ZNF335: variants seen among roughly 807,000 people sequenced by gnomAD.
ZNF335 encodes zinc finger protein 335.
In ZNF335, 84 loss-of-function variants were observed where a neutral mutation model predicts 145.6. The ratio of observed to expected loss-of-function variants is 0.58; its 90% CI spans 0.48 to 0.69. ZNF335 has a LOEUF of 0.69. ZNF335 is among the 30% of genes least tolerant of loss of function. ZNF335 has a pLI of 0.00. For missense variants in ZNF335, 1,865 were observed against 1,809.7 expected (o/e 1.03, Z -0.55); for synonymous variants, 761 against 717.0 (o/e 1.06, Z -0.98).
chr20:45,970,522 CG>C (rs1228711098), intron 2 of ZNF335, among the ~76,000 whole-genome samples: 7 of 152,238 alleles, frequency 4.6e-5, no homozygotes, highest in Admixed American at 3.3e-4. Flanking sequence ...ACTTTACAGA[CG>C]AGGAAACAGA....
chr20:45,963,796 T>G lies in ZNF335; in HGVS notation c.1297A>C (p.Thr433Pro), dbSNP rs199828190. 1.2e-6 allele frequency: 2 copies of G among 1,614,044 alleles called. No homozygotes were observed. Among genetic ancestry groups the G allele is most frequent in the South Asian group, 1.1e-5 (1 of 91,072 alleles). The change falls in exon 8 of 28, where the codon ACT (threonine) becomes CCT (proline). Residue 433 changes from threonine (T) to proline (P), a missense_variant. Physicochemically the swap from Thr to Pro is conservative, Grantham distance 38. Transcript: ENST00000322927. The stretch of plus-strand genomic sequence containing the variant: ...GGTCGACCTCGGCGCCGGGGCAGAG[T>G]GTCATGCTCATCCGGGCAGGAGGGG... ...AAPSCPDEHD[T>P]LPRRRGRPSR... is the part of the protein sequence containing the mutation.
Position 45,952,280 on chromosome 20 carries a change from A to C in ZNF335, c.3056T>G (p.Phe1019Cys). Residue 1019 changes from phenylalanine (F) to cysteine (C), a missense_variant, in exon 20 of 28, where the codon TTT (phenylalanine) becomes TGT (cysteine). Transcript: ENST00000322927. ...PSAATAASKK[F>C]SCKICAEAFP... Reference sequence around the variant, plus strand: ...GGCCTCGGCACAGATCTTGCAGGAAAACTTCTTTGATGCAGCAGTGGCTGC... The same window carrying C: ...GGCCTCGGCACAGATCTTGCAGGAACACTTCTTTGATGCAGCAGTGGCTGC... The C allele has an allele frequency of 6.2e-7, 1 of 1,613,544 alleles. No homozygotes were observed. The highest frequency in any genetic ancestry group is 8.5e-7 in the Non-Finnish European group (1 of 1,180,008).
At chr20:45,969,371 A>C (rs1422568700) in intron 3 of ZNF335, 80 bp downstream of exon 3, 1 of 1,403,494 alleles carries the variant, frequency 7.1e-7, no homozygotes, top group Non-Finnish European at 9.4e-7. Context: ...AATCTGCCTG[A>C]GTTCACACAG....
chr20:45,948,731 C>A lies in ZNF335; in HGVS notation c.*222G>T, dbSNP rs1002534496. On this transcript the variant is annotated 3_prime_UTR_variant, in exon 28 of 28. Coordinates refer to ENST00000322927, the MANE Select transcript of ZNF335 (RefSeq NM_022095.4). ...GGTCCACCCAAACAAAAATAAATTT[C>A]TCTCCCAAAGCCTGCCTGCAGGCTG... The A allele has an allele frequency of 1.8e-5, 11 of 604,796 alleles. No homozygotes were observed. Among genetic ancestry groups the A allele is most frequent in the Non-Finnish European group, 3.1e-5 (11 of 350,406 alleles). The allele number at this position is 604,796 out of a possible 1,614,324, so 37.5% of individuals were successfully genotyped here. A position where few individuals can be genotyped will look rare whatever the true frequency, so the allele number is the denominator to read the frequency against.
Position 45,949,264 on chromosome 20 carries a change from A to G in ZNF335, c.3820-13T>C. 6.2e-7 allele frequency: 1 copy of G among 1,613,876 alleles called. No individual in the cohort carries two copies. On this transcript the variant is annotated splice_polypyrimidine_tract_variant and intron_variant, in intron 26 of 27. Transcript: ENST00000322927. ...GCACATACTGGATCTGGAGGGGAGA[A>G]GCTGATAAGATGCTGGCCTGGAGAA...
At position 45,952,501 on chromosome 20, in the gene ZNF335, G is replaced by A. The variant is rs946079734; in HGVS notation, c.2835C>T (p.Ile945=). The part of the protein sequence containing the change: ...HHIELTADGS[I]SFPSPDALAS... The stretch of plus-strand genomic sequence containing the variant: ...CCAGAGCATCTGGACTTGGGAAGGA[G>A]ATGGAGCCATCTGCGGTGAGCTGTA... The change falls in exon 20 of 28, where the codon ATC becomes ATT. Residue 945 remains isoleucine, a synonymous_variant. Transcript: ENST00000322927. 4.5e-6 allele frequency: 7 copies of A among 1,572,780 alleles called. No individual in the cohort carries two copies. In the Admixed American group the frequency reaches 1.2e-4, roughly 27 times the overall value.
intron 7 of ZNF335, 36 bp from the exon 8 acceptor site, chr20:45,964,026 GAC>G: frequency 6.6e-7 from 1 of 1,510,128 alleles, no homozygotes; most frequent in Non-Finnish European, 8.8e-7. Context: ...GCCAGCCACT[GAC>G]ACACCAGGAC....
intron 24 of ZNF335, 63 bp downstream of exon 24, chr20:45,949,737 A>C: frequency 4.4e-6 from 7 of 1,585,308 alleles, no homozygotes; most frequent in South Asian, 1.1e-5. Flanking sequence ...TTCCTCCCCA[A>C]GGTAGGTCTT....
rs73128561 is a variant in ZNF335 at position 45,970,762 on chromosome 20, T to C, written c.201+448A>G. ...TTAACCCAGGGCACTTGCGTTTTTTTTTTTTTTTTTGTAGAGATGAGGTCT... is the reference window on the plus strand; with the variant it reads ...TTAACCCAGGGCACTTGCGTTTTTTCTTTTTTTTTTGTAGAGATGAGGTCT... On this transcript the variant is annotated intron_variant, in intron 2 of 27. Coordinates refer to ENST00000322927, the MANE Select transcript of ZNF335 (RefSeq NM_022095.4). Among the ~76,000 whole-genome samples the C allele has an allele frequency of 3.8e-3, 570 of 151,094 alleles. 2 individuals carry two copies. Among genetic ancestry groups the C allele is most frequent in the African/African-American group, 0.013 (541 of 41,124 alleles).
chr20:45,971,941 A>G lies in ZNF335; in HGVS notation c.-51+181T>C, dbSNP rs533873885. On this transcript the variant is annotated intron_variant, in intron 1 of 27. Coordinates refer to ENST00000322927, the MANE Select transcript of ZNF335 (RefSeq NM_022095.4). ...CTGCCTGTGCTCCAGGCCCGACGCC[A>G]TCTTGTGGTGGCGCCGGGTTTCCGC... 35 of 985,346 alleles carry G rather than the reference A, an allele frequency of 3.6e-5. 1 individual carries two copies. The highest frequency in any genetic ancestry group is 5.2e-4 in the Middle Eastern group (1 of 1,914). 61.0% of individuals were successfully genotyped at this position (985,346 alleles called of 1,614,324 possible). A position where few individuals can be genotyped will look rare whatever the true frequency, so the allele number is the denominator to read the frequency against.
Position 45,960,483 on chromosome 20 carries a change from G to C in ZNF335, c.1825C>G (p.Leu609Val). 1 of 1,614,196 alleles carries C rather than the reference G, an allele frequency of 6.2e-7. No homozygotes were observed. Residue 609 changes from leucine (L) to valine (V), a missense_variant, in exon 13 of 28, where the codon CTG (leucine) becomes GTG (valine). Coordinates refer to ENST00000322927, the MANE Select transcript of ZNF335 (RefSeq NM_022095.4). ...GCAACAGCCTGGATGTGCGTGAGCA[G>C]GTGCATTTTGAAGGTGTAGCGCTTC... ...FKKRYTFKMH[L>V]LTHIQAVANR...
intron 3 of ZNF335, 128 bp downstream of exon 3, chr20:45,969,323 G>A: frequency 3.5e-6 from 4 of 1,146,584 alleles, no homozygotes; most frequent in Non-Finnish European, 4.6e-6. Flanking sequence ...TGAGACAGGG[G>A]TGACTGTTCC....
chr20:45,959,092 C>A, intron 15 of ZNF335, 109 bp downstream of exon 15: 1 of 971,386 alleles, frequency 1.0e-6, no homozygotes, highest in South Asian at 3.7e-5. Flanking sequence ...GAGTTTTTAC[C>A]ACAGTCTCAA....
intron 8 of ZNF335, 21 bp downstream of exon 8, chr20:45,963,717 C>G: frequency 6.2e-7 from 1 of 1,614,072 alleles, no homozygotes; most frequent in East Asian, 2.2e-5. Flanking sequence ...CATGCCCCAC[C>G]CTCACCTCTG....
In ZNF335 at chr20:45,971,437, G is replaced by A. The variant is rs1277025838; in HGVS notation, c.-27C>T. On this transcript the variant is annotated 5_prime_UTR_variant, in exon 2 of 28. Transcript: ENST00000322927. Reference sequence around the variant, plus strand: ...TGATCGGCGGGCTGCCTGACAGCGGGGCGTAGGGTCTGGGAACTTCACTCT... The same window carrying A: ...TGATCGGCGGGCTGCCTGACAGCGGAGCGTAGGGTCTGGGAACTTCACTCT... 6.3e-7 allele frequency: 1 copy of A among 1,597,096 alleles called. No homozygotes were observed. Among genetic ancestry groups the A allele is most frequent in the Non-Finnish European group, 8.5e-7 (1 of 1,178,990 alleles).
At position 45,955,350 on chromosome 20, in the gene ZNF335, C is replaced by CAAAAAAAAAAAAAAAAAAA. The variant is rs61555698; in HGVS notation, c.2443-1421_2443-1403dup. Among the ~76,000 whole-genome samples, 7 of 37,332 alleles carry CAAAAAAAAAAAAAAAAAAA rather than the reference C, an allele frequency of 1.9e-4. 1 individual carries two copies. The highest frequency in any genetic ancestry group is 2.0e-3 in the East Asian group (2 of 1,016). The allele number at this position is 37,332 out of a possible 152,430, so 24.5% of individuals were successfully genotyped here. Reference sequence around the variant, plus strand: ...TGGGCAACAGAGCAAGACTCTGTCTCAAAAAAAAAAAAAAAAAAAAGATTT... The same window carrying CAAAAAAAAAAAAAAAAAAA: ...TGGGCAACAGAGCAAGACTCTGTCTCAAAAAAAAAAAAAAAAAAAAAAAAAAAAAAAAAAAAAAAGATTT... On this transcript the variant is annotated intron_variant, in intron 17 of 27. Coordinates refer to ENST00000322927, the MANE Select transcript of ZNF335 (RefSeq NM_022095.4).
At position 45,957,652 on chromosome 20, in the gene ZNF335, C is replaced by T. The variant is rs146076876; in HGVS notation, c.2376G>A (p.Thr792=). 1.9e-5 allele frequency: 30 copies of T among 1,614,036 alleles called. No individual in the cohort carries two copies. The highest frequency in any genetic ancestry group is 8.3e-5 in the Admixed American group (5 of 60,006). Residue 792 remains threonine (T), a synonymous_variant, in exon 17 of 28, where the codon ACG becomes ACA. Coordinates refer to ENST00000322927, the MANE Select transcript of ZNF335 (RefSeq NM_022095.4). ...QGAEESTAMA[T]QTALDLLLNM... The stretch of plus-strand genomic sequence containing the variant: ...TCAGCAGAAGATCCAAGGCTGTCTG[C>T]GTGGCCATCGCTGTCGACTCCTCAG...
chr20:45,953,962 A>AG lies in ZNF335; in HGVS notation c.2443-15dup, dbSNP rs1285806311. On this transcript the variant is annotated splice_polypyrimidine_tract_variant and intron_variant, in intron 17 of 27. Coordinates refer to ENST00000322927, the MANE Select transcript of ZNF335 (RefSeq NM_022095.4). ...CACCACAGCCACCTGCAACGGCACC[A>AG]GGGGGCGGGATGGGAGGCACTGGTG... is the stretch of plus-strand genomic sequence containing the variant. The AG allele has an allele frequency of 1.3e-6, 2 of 1,568,604 alleles. No individual in the cohort carries two copies. Among genetic ancestry groups the AG allele is most frequent in the Non-Finnish European group, 1.7e-6 (2 of 1,155,174 alleles).
At chr20:45,971,860 G>A in intron 1 of ZNF335, 1 of 985,316 alleles carries the variant, frequency 1.0e-6, no homozygotes, top group Non-Finnish European at 1.2e-6. Flanking sequence ...GTTCCCCTGC[G>A]GAGGCGGCTG....
Sources: gnomAD v4.1 joint callset for allele counts (sites outside exome capture counted in the v4.1 genomes callset) on GRCh38, gnomAD v4.1.1 for gene constraint, MANE v1.5 for transcripts, NCBI Gene and HGNC (gene_info 2026-07-23, HGNC 2026-07-21) for gene names.